DGKG: variants seen among roughly 807,000 people sequenced by gnomAD.
The protein encoded by DGKG is diacylglycerol kinase gamma.
In DGKG, 78 loss-of-function variants were observed where a neutral mutation model predicts 105.3. That is an observed-to-expected ratio of 0.74 (90% CI 0.62 to 0.89). The LOEUF (loss-of-function observed/expected upper bound fraction) is 0.89, where lower values mean the gene tolerates loss of function less well. Among genes scored for constraint, DGKG ranks in the 40% least tolerant of loss-of-function variants. DGKG has a pLI of 0.00. For missense variants in DGKG, 958 were observed against 1,020.1 expected, an observed-to-expected ratio of 0.94 and a Z score of 0.83; for synonymous variants, 346 against 367.1, an observed-to-expected ratio of 0.94 and a Z score of 0.66.
chr3:186,267,616 T>C, intron 13 of DGKG, 69 bp downstream of exon 13: 2 of 1,249,230 alleles, frequency 1.6e-6, no homozygotes, highest in Non-Finnish European at 2.4e-6. Flanking sequence ...TGTGAATGTC[T>C]GAAAGCTGCC....
At position 186,185,536 on chromosome 3, in the gene DGKG, G is replaced by A. The variant is rs144090264; in HGVS notation, c.2095+2666C>T. ...GAGCTTCCCCCAGCCCTAGGGTGGT[G>A]GAGAGTCGAAGTGGGGAGCAGGGAG... On this transcript the variant is annotated intron_variant, in intron 22 of 24. Transcript: ENST00000265022. Among the ~76,000 whole-genome samples the A allele has an allele frequency of 6.8e-3, 1,040 of 152,274 alleles. 3 individuals are homozygous for A. Among genetic ancestry groups the A allele is most frequent in the Non-Finnish European group, 0.011 (716 of 68,022 alleles).
intron 1 of DGKG, among the ~76,000 whole-genome samples, chr3:186,335,024 G>A (rs1394419966): frequency 6.6e-6 from 1 of 152,214 alleles, no homozygotes; most frequent in Non-Finnish European, 1.5e-5. Context: ...CAGAAAGGAA[G>A]AACAAATTAA....
At chr3:186,272,155 G>A (rs1437247446) in intron 11 of DGKG, 100 bp downstream of exon 11, 1 of 894,680 alleles carries the variant, frequency 1.1e-6, no homozygotes, top group East Asian at 2.5e-5. Flanking sequence ...GAAGGGACTG[G>A]ATGAAGCTCC....
intron 20 of DGKG, among the ~76,000 whole-genome samples, chr3:186,240,305 C>T (rs1356947741): frequency 6.6e-6 from 1 of 152,222 alleles, no homozygotes. Flanking sequence ...AGTTACATCA[C>T]TTAACACAAA....
chr3:186,228,728 G>A (rs1044588523), intron 20 of DGKG, among the ~76,000 whole-genome samples: 3 of 152,144 alleles, frequency 2.0e-5, no homozygotes, highest in South Asian at 2.1e-4. Context: ...TGTCTCCAGC[G>A]CTCATGCAAA....
intron 24 of DGKG, chr3:186,160,481 A>G: frequency 1.0e-6 from 1 of 985,272 alleles, no homozygotes; most frequent in Non-Finnish European, 1.2e-6. Context: ...GTGTGTTTTC[A>G]TTTTTTTCTT....
At chr3:186,307,321 C>A (rs528916609) in intron 2 of DGKG, among the ~76,000 whole-genome samples, 1 of 152,186 alleles carries the variant, frequency 6.6e-6, no homozygotes, top group Admixed American at 6.5e-5. Context: ...TTTTATTTAT[C>A]CTATTCCTCA....
chr3:186,310,598 T>C (rs940446412), intron 2 of DGKG, among the ~76,000 whole-genome samples: 2 of 152,230 alleles, frequency 1.3e-5, no homozygotes, highest in African/African-American at 4.8e-5. Context: ...TTCTGTTTCA[T>C]CTTAAGACAG....
At chr3:186,304,515 A>G (rs1292338401) in intron 3 of DGKG, among the ~76,000 whole-genome samples, 9 of 152,230 alleles carry the variant, frequency 5.9e-5, no homozygotes, top group Non-Finnish European at 1.0e-4. Context: ...GACAACGTGA[A>G]TAAGAAAGTG....
intron 20 of DGKG, among the ~76,000 whole-genome samples, chr3:186,237,133 C>T (rs1720457186): frequency 6.6e-6 from 1 of 152,190 alleles, no homozygotes; most frequent in South Asian, 2.1e-4. Context: ...CTGAGAGTCC[C>T]TCTCCTTCTC....
chr3:186,245,498 A>G (rs1233531742), intron 19 of DGKG, among the ~76,000 whole-genome samples: 1 of 152,256 alleles, frequency 6.6e-6, no homozygotes, highest in Non-Finnish European at 1.5e-5. Flanking sequence ...AACCAGGGCT[A>G]CGATGGTTCA....
At chr3:186,281,307 A>G (rs1004089603) in intron 7 of DGKG, 1 of 152,696 alleles carries the variant, frequency 6.5e-6, no homozygotes, top group Admixed American at 6.5e-5. Context: ...GAGTCCGTGA[A>G]CAGGAAACTC....
chr3:186,303,512 G>A (rs903635724), intron 3 of DGKG, among the ~76,000 whole-genome samples: 3 of 152,220 alleles, frequency 2.0e-5, no homozygotes, highest in Non-Finnish European at 4.4e-5. Context: ...CAGGCATCCG[G>A]CACTTTCATT....
chr3:186,257,694 T>TA (rs1721549236), intron 17 of DGKG, 160 bp downstream of exon 17: 2 of 584,656 alleles, frequency 3.4e-6, no homozygotes. Context: ...TTTTTTTTTT[T>TA]TTTCCACCCA....
chr3:186,188,856 C>G (rs1277378226), intron 21 of DGKG, among the ~76,000 whole-genome samples: 1 of 151,966 alleles, frequency 6.6e-6, no homozygotes, highest in African/African-American at 2.4e-5. Context: ...GCTCTGTCAC[C>G]CAGGCTGGAG....
Position 186,188,255 on chromosome 3 carries a change from C to G in DGKG, c.2042G>C (p.Arg681Pro). 1 of 1,614,132 alleles carries G rather than the reference C, an allele frequency of 6.2e-7. No individual in the cohort carries two copies. Residue 681 changes from arginine (R) to proline (P), a missense_variant, in exon 22 of 25, where the codon CGG becomes CCG. Arg to Pro is a moderately radical substitution (Grantham distance 103, BLOSUM62 -2). Transcript: ENST00000265022. Reference sequence around the variant, plus strand: ...GTCAGTGACACCCTTCCTGCTTTCCCGGATCACAGCCCGGTTCTTCTTGTT... The same window carrying G: ...GTCAGTGACACCCTTCCTGCTTTCCGGGATCACAGCCCGGTTCTTCTTGTT... The part of the protein sequence containing the change: ...GENKKNRAVI[R>P]ESRKGVTDPK...
chr3:186,154,588 T>G (rs916962040), intron 24 of DGKG, among the ~76,000 whole-genome samples: 3 of 138,008 alleles, frequency 2.2e-5, no homozygotes, highest in Admixed American at 8.5e-5. Flanking sequence ...CAGGTTGCAG[T>G]GAGCCGAGAT....
At position 186,210,939 on chromosome 3, in the gene DGKG, A is replaced by G. The variant is rs551297198; in HGVS notation, c.1917+856T>C. ...GGTGTGCATAGAAGTTTGGGCTTTC[A>G]GGTGGCCAGACACCAAGGAGCTGTC... is the stretch of plus-strand genomic sequence containing the variant. On this transcript the variant is annotated intron_variant, in intron 21 of 24. Transcript: ENST00000265022. The surrounding 1 kb of genome is among the most constrained non-coding windows in gnomAD (Gnocchi z 5.2). Among the ~76,000 whole-genome samples the G allele has an allele frequency of 5.3e-5, 8 of 152,314 alleles. No homozygotes were observed. In the South Asian group the frequency reaches 1.0e-3, roughly 20 times the overall value.
intron 24 of DGKG, chr3:186,158,277 A>G (rs1716130306): frequency 2.8e-5 from 22 of 796,984 alleles, no homozygotes; most frequent in Non-Finnish European, 3.2e-5. Flanking sequence ...CTTCTTTTTT[A>G]TATGATGGAA....
Sources: allele counts gnomAD v4.1 joint callset (sites outside exome capture counted in the v4.1 genomes callset), GRCh38; gene constraint gnomAD v4.1.1; non-coding constraint Gnocchi (gnomAD v3.1); transcripts MANE v1.5; gene names NCBI Gene and HGNC (gene_info 2026-07-23, HGNC 2026-07-21).